Variants in SUMF1 observed in about 807,000 individuals in gnomAD.
The protein encoded by SUMF1 is sulfatase modifying factor 1.
In SUMF1, 48 loss-of-function variants were observed where a neutral mutation model predicts 47.6. The observed-to-expected ratio is 1.01, with a 90% CI of 0.80 to 1.28. The LOEUF (loss-of-function observed/expected upper bound fraction) is 1.28, where lower values mean the gene tolerates loss of function less well. SUMF1 is among the 50% of genes most tolerant of loss of function. SUMF1 has a pLI of 0.00. For missense variants in SUMF1, 571 were observed against 485.4 expected, an observed-to-expected ratio of 1.18 and a Z score of -1.66; for synonymous variants, 230 against 192.1, an observed-to-expected ratio of 1.20 and a Z score of -1.63.
At chr3:4,188,201 A>C (rs901462071) in intron 8 of SUMF1, among the ~76,000 whole-genome samples, 25 of 150,402 alleles carry the variant, frequency 1.7e-4, no homozygotes, top group Non-Finnish European at 3.1e-4. Flanking sequence ...TTTGAGACAG[A>C]GTCTCACTCT....
chr3:4,430,597 C>T (rs569057542), intron 3 of SUMF1, among the ~76,000 whole-genome samples: 4 of 147,602 alleles, frequency 2.7e-5, no homozygotes, highest in South Asian at 2.1e-4. Context: ...ATGCTATCTA[C>T]GCATTCCGCA....
intron 8 of SUMF1, among the ~76,000 whole-genome samples, chr3:4,181,287 T>G (rs1210617813): frequency 6.6e-6 from 1 of 152,174 alleles, no homozygotes; most frequent in Non-Finnish European, 1.5e-5. Context: ...TCCTTCCTCA[T>G]TCCTAGTTTG....
At chr3:4,348,868 G>A (rs1000423788) in intron 8 of SUMF1, among the ~76,000 whole-genome samples, 30 of 152,126 alleles carry the variant, frequency 2.0e-4, no homozygotes, top group African/African-American at 6.0e-4. Context: ...AGAGCGAAGC[G>A]CCGTCTCAAA....
chr3:4,389,599 G>A (rs9832761), intron 7 of SUMF1, among the ~76,000 whole-genome samples: 2,483 of 152,182 alleles, frequency 0.016, 34 homozygotes, highest in African/African-American at 0.037. Context: ...ACGTAAATGT[G>A]AGAACTTTTG....
At chr3:4,264,420 C>A (rs922214759) in intron 8 of SUMF1, among the ~76,000 whole-genome samples, 2 of 152,196 alleles carry the variant, frequency 1.3e-5, no homozygotes, top group Non-Finnish European at 2.9e-5. Context: ...CGTCAAGTAT[C>A]ACCACACTGA....
At chr3:4,300,590 A>G (rs310711) in intron 8 of SUMF1, among the ~76,000 whole-genome samples, 24,531 of 152,216 alleles carry the variant, frequency 0.16, 2,276 homozygotes, top group South Asian at 0.37. Context: ...TTATAATTTT[A>G]TGAAAAAAGG....
chr3:4,142,989 T>C (rs1016273884), intron 8 of SUMF1, among the ~76,000 whole-genome samples: 2 of 152,048 alleles, frequency 1.3e-5, no homozygotes, highest in Admixed American at 6.6e-5. Flanking sequence ...AGCAGTCACC[T>C]CCAAGACAAA....
At chr3:4,268,199 A>G (rs1559634094) in intron 8 of SUMF1, among the ~76,000 whole-genome samples, 1 of 152,078 alleles carries the variant, frequency 6.6e-6, no homozygotes, top group African/African-American at 2.4e-5. Context: ...GAACACATGG[A>G]CACAGGAGGG....
chr3:4,236,759 C>T lies in SUMF1; in HGVS notation c.1014+139571G>A, dbSNP rs370707497. On this transcript the variant is annotated intron_variant and NMD_transcript_variant, in intron 8 of 12. Transcript: ENST00000448413. The stretch of plus-strand genomic sequence containing the variant: ...TGAACCAACATTGATACACCATTAT[C>T]ACCTAAAGTCCATCATTTATATTAA... 5.3e-5 allele frequency among the ~76,000 whole-genome samples: 8 copies of T among 152,238 alleles called. No homozygotes were observed. In the South Asian group the frequency reaches 1.0e-3, roughly 20 times the overall value.
intron 3 of SUMF1, among the ~76,000 whole-genome samples, chr3:4,434,099 A>G (rs1233454828): frequency 6.6e-6 from 1 of 152,248 alleles, no homozygotes; most frequent in African/African-American, 2.4e-5. Flanking sequence ...ACAGAGGCTC[A>G]AAGTACAATG....
chr3:4,429,083 A>G (rs1012741120), intron 3 of SUMF1, among the ~76,000 whole-genome samples: 1 of 152,232 alleles, frequency 6.6e-6, no homozygotes, highest in African/African-American at 2.4e-5. Context: ...TTGCTATTAT[A>G]GATAACACTA....
chr3:4,311,562 G>A (rs1471356588), intron 8 of SUMF1, among the ~76,000 whole-genome samples: 2 of 152,158 alleles, frequency 1.3e-5, no homozygotes, highest in Non-Finnish European at 2.9e-5. Context: ...TATCAGTACT[G>A]AAAAAAGTCA....
intron 7 of SUMF1, among the ~76,000 whole-genome samples, chr3:4,390,085 A>T (rs1478021640): frequency 6.6e-6 from 1 of 152,206 alleles, no homozygotes; most frequent in African/African-American, 2.4e-5. Context: ...TCTTATTAAC[A>T]CCCTGTTTTA....
At chr3:4,225,290 G>A (rs1465245118) in intron 8 of SUMF1, among the ~76,000 whole-genome samples, 1 of 152,072 alleles carries the variant, frequency 6.6e-6, no homozygotes, top group East Asian at 1.9e-4. Context: ...TACCCCACAG[G>A]CCTCAGGAGC....
chr3:4,047,718 C>G (rs1695030252), intron 9 of SUMF1, among the ~76,000 whole-genome samples: 1 of 151,976 alleles, frequency 6.6e-6, no homozygotes, highest in Non-Finnish European at 1.5e-5. Context: ...TCAAAGGAGA[C>G]AGTAAATCTC....
At chr3:4,156,107 C>T (rs1419898089) in intron 8 of SUMF1, among the ~76,000 whole-genome samples, 1 of 151,506 alleles carries the variant, frequency 6.6e-6, no homozygotes, top group Non-Finnish European at 1.5e-5. Context: ...AATGCCATTG[C>T]CTTCCCACCA....
chr3:4,147,980 C>T (rs1694235078), intron 8 of SUMF1, among the ~76,000 whole-genome samples: 1 of 152,104 alleles, frequency 6.6e-6, no homozygotes, highest in Non-Finnish European at 1.5e-5. Flanking sequence ...TCACATTTAG[C>T]TCTATTCAGG....
At chr3:4,070,083 T>C (rs1028100664) in intron 8 of SUMF1, among the ~76,000 whole-genome samples, 4 of 152,192 alleles carry the variant, frequency 2.6e-5, no homozygotes, top group African/African-American at 9.7e-5. Context: ...TTTCCATTGA[T>C]CCCAGGTCTT....
chr3:4,134,437 C>T (rs543674950), intron 8 of SUMF1, among the ~76,000 whole-genome samples: 20 of 152,202 alleles, frequency 1.3e-4, no homozygotes, highest in Non-Finnish European at 2.5e-4. Context: ...AAAGATACAA[C>T]ATACCAGAAT....
Sources: gnomAD v4.1 joint callset for allele counts (sites outside exome capture counted in the v4.1 genomes callset) on GRCh38, gnomAD v4.1.1 for gene constraint, MANE v1.5 for transcripts, NCBI Gene and HGNC (gene_info 2026-07-23, HGNC 2026-07-21) for gene names.